The following CHCHD3 variants were observed in gnomAD, a reference collection of about 807,000 sequenced individuals.
The protein encoded by CHCHD3 is MICOS complex subunit MIC19.
CHCHD3 carries 20 observed loss-of-function variants against 38.2 expected under a neutral mutation model. The ratio of observed to expected loss-of-function variants is 0.52; its 90% CI spans 0.37 to 0.76. The LOEUF is 0.76. Among genes scored for constraint, CHCHD3 ranks in the 30% least tolerant of loss-of-function variants. The pLI is 0.00. For synonymous variants in CHCHD3, 82 were observed against 100.0 expected, an observed-to-expected ratio of 0.82 and a Z score of 1.07; for missense variants, 245 against 279.2, an observed-to-expected ratio of 0.88 and a Z score of 0.87.
Position 132,897,491 on chromosome 7 carries a change from T to C in CHCHD3, c.370-11746A>G, listed in dbSNP as rs185695151. On this transcript the variant is annotated intron_variant, in intron 4 of 7. Coordinates refer to ENST00000262570, the MANE Select transcript of CHCHD3 (RefSeq NM_017812.4). ...AACATCCAGAGATCACTCAGTTCAT[T>C]TTCTAGGAAGTAAGCGAGGCTCCAA... 2.4e-3 allele frequency among the ~76,000 whole-genome samples: 367 copies of C among 152,312 alleles called. 3 individuals carry two copies. The highest frequency in any genetic ancestry group is 8.7e-3 in the African/African-American group (360 of 41,568).
chr7:133,072,412 T>C (rs1814850088), intron 1 of CHCHD3, among the ~76,000 whole-genome samples: 1 of 152,144 alleles, frequency 6.6e-6, no homozygotes, highest in South Asian at 2.1e-4. Context: ...CACAGGCCTA[T>C]GAGATAGATA....
intron 4 of CHCHD3, among the ~76,000 whole-genome samples, chr7:132,968,578 C>T (rs1482650493): frequency 6.6e-6 from 1 of 152,190 alleles, no homozygotes; most frequent in Non-Finnish European, 1.5e-5. Flanking sequence ...ACACAACATA[C>T]ATAACCAGAG....
chr7:132,843,225 G>A (rs1048293308), intron 5 of CHCHD3, among the ~76,000 whole-genome samples: 2 of 151,952 alleles, frequency 1.3e-5, no homozygotes, highest in Non-Finnish European at 2.9e-5. Flanking sequence ...TGAGCGCTTG[G>A]TTCAAGGTCT....
intron 4 of CHCHD3, among the ~76,000 whole-genome samples, chr7:132,912,434 T>C (rs938772884): frequency 3.3e-5 from 5 of 152,226 alleles, no homozygotes; most frequent in African/African-American, 1.2e-4. Flanking sequence ...GTAAATTACA[T>C]GTTAGCCCAT....
intron 7 of CHCHD3, among the ~76,000 whole-genome samples, chr7:132,789,175 T>C (rs1336016170): frequency 6.6e-6 from 1 of 152,178 alleles, no homozygotes; most frequent in Non-Finnish European, 1.5e-5. Context: ...GCTGCATAAA[T>C]TTAACACTGC....
intron 4 of CHCHD3, among the ~76,000 whole-genome samples, chr7:132,954,579 C>T (rs1164300285): frequency 6.6e-6 from 1 of 152,016 alleles, no homozygotes; most frequent in Admixed American, 6.6e-5. Flanking sequence ...CCACCACAGC[C>T]CTCAACCTGG....
At chr7:132,991,251 T>C (rs1226134530) in intron 3 of CHCHD3, among the ~76,000 whole-genome samples, 1 of 152,166 alleles carries the variant, frequency 6.6e-6, no homozygotes, top group East Asian at 1.9e-4. Context: ...TTATTCTGTT[T>C]AGTGTTTATA....
chr7:132,896,299 G>A (rs1012315444), intron 4 of CHCHD3, among the ~76,000 whole-genome samples: 4 of 152,172 alleles, frequency 2.6e-5, no homozygotes, highest in Non-Finnish European at 5.9e-5. Flanking sequence ...GATCAGGCAA[G>A]GCTGAGATTC....
intron 6 of CHCHD3, chr7:132,815,626 A>C (rs535663470): frequency 1.1e-5 from 5 of 455,664 alleles, no homozygotes; most frequent in South Asian, 4.7e-5. Context: ...CATTTCACCA[A>C]ACCTGCTGGT....
chr7:133,068,098 A>G (rs1814723956), intron 2 of CHCHD3, among the ~76,000 whole-genome samples: 1 of 152,072 alleles, frequency 6.6e-6, no homozygotes. Context: ...CCTGGGAGAC[A>G]GCGAGACTCC....
chr7:132,863,553 A>T (rs561590245), intron 5 of CHCHD3, among the ~76,000 whole-genome samples: 27 of 152,356 alleles, frequency 1.8e-4, no homozygotes, highest in African/African-American at 6.5e-4. Flanking sequence ...CATCAGCTGC[A>T]TTAGCACCTA....
chr7:132,853,404 TGA>T (rs1456277385), intron 5 of CHCHD3, among the ~76,000 whole-genome samples: 1 of 152,146 alleles, frequency 6.6e-6, no homozygotes, highest in Non-Finnish European at 1.5e-5. Context: ...GCAGATCACC[TGA>T]GGTCAGGAGT....
intron 5 of CHCHD3, among the ~76,000 whole-genome samples, chr7:132,882,608 A>G (rs1420834238): frequency 6.6e-6 from 1 of 152,010 alleles, no homozygotes; most frequent in Non-Finnish European, 1.5e-5. Flanking sequence ...TGTTGAGCAG[A>G]TAAGTTCAAT....
chr7:132,802,223 G>A (rs955959495), intron 6 of CHCHD3, among the ~76,000 whole-genome samples: 3 of 152,084 alleles, frequency 2.0e-5, no homozygotes, highest in Non-Finnish European at 4.4e-5. Flanking sequence ...ACCTAGGAGA[G>A]CAGGACTCTA....
At chr7:132,997,296 C>G (rs998602680) in intron 3 of CHCHD3, among the ~76,000 whole-genome samples, 2 of 152,050 alleles carry the variant, frequency 1.3e-5, no homozygotes, top group African/African-American at 4.8e-5. Context: ...GTCCTCCATT[C>G]CAAAAAAATC....
At chr7:132,792,650 C>T (rs980161536) in intron 7 of CHCHD3, among the ~76,000 whole-genome samples, 3 of 152,176 alleles carry the variant, frequency 2.0e-5, no homozygotes, top group Admixed American at 6.5e-5. Flanking sequence ...TGCTTATGCA[C>T]ACCATCTTTT....
rs781519088 is a variant in CHCHD3 at position 132,838,472 on chromosome 7, G to A, written c.454-3C>T. On this transcript the variant is annotated splice_polypyrimidine_tract_variant and splice_region_variant and intron_variant, in intron 5 of 7. Transcript: ENST00000262570. Reference sequence around the variant, plus strand: ...GTGACTCTGTAGAACTCTGAGCTCTGTGGACAAAGATTGATAGCAAAGGTT... The same window carrying A: ...GTGACTCTGTAGAACTCTGAGCTCTATGGACAAAGATTGATAGCAAAGGTT... The A allele has an allele frequency of 1.2e-6, 2 of 1,606,948 alleles. No homozygotes were observed. The highest frequency in any genetic ancestry group is 2.2e-5 in the East Asian group (1 of 44,772).
chr7:132,864,091 T>C (rs960617090), intron 5 of CHCHD3, among the ~76,000 whole-genome samples: 1 of 152,218 alleles, frequency 6.6e-6, no homozygotes, highest in African/African-American at 2.4e-5. Context: ...TGGCCAATTG[T>C]TTGGTGCAAA....
chr7:132,899,178 A>G (rs1191576850), intron 4 of CHCHD3, among the ~76,000 whole-genome samples: 1 of 152,192 alleles, frequency 6.6e-6, no homozygotes, highest in Non-Finnish European at 1.5e-5. Context: ...TCACTAAGAC[A>G]TAAAGTACAA....
Sources: allele counts gnomAD v4.1 joint callset (sites outside exome capture counted in the v4.1 genomes callset), GRCh38; gene constraint gnomAD v4.1.1; transcripts MANE v1.5; gene names NCBI Gene and HGNC (gene_info 2026-07-23, HGNC 2026-07-21).